Variants in PCDHGA4 observed in about 807,000 individuals in gnomAD.
PCDHGA4 encodes the protein protocadherin gamma-A4.
In PCDHGA4, 38 loss-of-function variants were observed where a neutral mutation model predicts 54.6. The ratio of observed to expected loss-of-function variants is 0.70; its 90% confidence interval spans 0.54 to 0.91. The LOEUF (loss-of-function observed/expected upper bound fraction) is 0.91. Among genes scored for constraint, PCDHGA4 ranks in the 40% least tolerant of loss-of-function variants. The pLI, the probability that PCDHGA4 is intolerant of heterozygous loss-of-function variation, is 0.00. For synonymous variants in PCDHGA4, 511 were observed against 512.9 expected (o/e 1.00, Z 0.05); for missense variants, 1,298 against 1,220.9 (o/e 1.06, Z -0.94).
chr5:141,495,735 T>C (rs1595351919), intron 2 of PCDHGA4, among the ~76,000 whole-genome samples: 1 of 152,044 alleles, frequency 6.6e-6, no homozygotes, highest in Admixed American at 6.5e-5. Context: ...CCTTAGTCTC[T>C]TTCTCCTTCT....
chr5:141,465,583 A>G (rs1056902823), intron 1 of PCDHGA4, among the ~76,000 whole-genome samples: 10 of 152,162 alleles, frequency 6.6e-5, no homozygotes, highest in African/African-American at 2.4e-4. Flanking sequence ...ACACTCTCAT[A>G]ATAATCAGAT....
chr5:141,396,813 T>C (rs1031435038), intron 1 of PCDHGA4, among the ~76,000 whole-genome samples: 4 of 152,240 alleles, frequency 2.6e-5, no homozygotes, highest in African/African-American at 9.6e-5. Context: ...AGTGTTCTAC[T>C]GTATGGTGCA....
intron 1 of PCDHGA4, chr5:141,361,539 C>G (rs754978831): frequency 3.1e-6 from 5 of 1,614,028 alleles, no homozygotes; most frequent in Non-Finnish European, 4.2e-6. Flanking sequence ...ATCCTCCTGG[C>G]GCCTCTATCG....
chr5:141,506,266 T>A (rs1397052417), intron 3 of PCDHGA4, among the ~76,000 whole-genome samples: 1 of 151,862 alleles, frequency 6.6e-6, no homozygotes, highest in Non-Finnish European at 1.5e-5. Context: ...CTGGCCAACA[T>A]AGTGAAACCC....
At chr5:141,426,922 T>C in intron 1 of PCDHGA4, 1 of 456,720 alleles carries the variant, frequency 2.2e-6, no homozygotes, top group Non-Finnish European at 4.4e-6. Flanking sequence ...CTGGAAGCAA[T>C]GGACATGGGT....
chr5:141,360,162 G>A, intron 1 of PCDHGA4: 2 of 1,607,024 alleles, frequency 1.2e-6, no homozygotes, highest in Non-Finnish European at 1.7e-6. Context: ...GGAGGTGCGG[G>A]CTGGTGCGGT....
intron 1 of PCDHGA4, chr5:141,384,918 C>T: frequency 6.2e-7 from 1 of 1,613,954 alleles, no homozygotes; most frequent in South Asian, 1.1e-5. Context: ...AAGTCTTGGC[C>T]GACCTGGGCA....
chr5:141,412,931 T>C (rs1010992022), intron 1 of PCDHGA4: 5 of 453,108 alleles, frequency 1.1e-5, no homozygotes, highest in African/African-American at 2.0e-5. Flanking sequence ...CAGTAACTTC[T>C]TAGGACTCTG....
At chr5:141,377,347 T>G (rs902378263) in intron 1 of PCDHGA4, 3 of 152,196 alleles carry the variant, frequency 2.0e-5, no homozygotes, top group Non-Finnish European at 2.9e-5. Flanking sequence ...GGTTCACGCC[T>G]GTAATCCCAC....
chr5:141,477,678 C>A lies in PCDHGA4; in HGVS notation c.2515-17129C>A, dbSNP rs967769574. 1 of 1,614,182 alleles carries A rather than the reference C, an allele frequency of 6.2e-7. No individual in the cohort carries two copies. The highest frequency in any genetic ancestry group is 1.3e-5 in the African/African-American group (1 of 75,054). ...AATCGTGACAATGGCATAGTGTCAT[C>A]CTTAGTGCCCCTAGACTATGAGGAT... is the stretch of plus-strand genomic sequence containing the variant. On this transcript the variant is annotated intron_variant, in intron 1 of 3. Transcript: ENST00000571252. The surrounding 1 kb of genome is among the most constrained non-coding windows in gnomAD (Gnocchi z 4.9).
chr5:141,378,499 G>A (rs1220046096), intron 1 of PCDHGA4: 1 of 152,084 alleles, frequency 6.6e-6, no homozygotes, highest in Non-Finnish European at 1.5e-5. Context: ...CTCCAGTCTG[G>A]GTGACAGAGC....
At chr5:141,375,928 A>G (rs3749773) in intron 1 of PCDHGA4, 89,673 of 1,613,560 alleles carry the variant, frequency 0.056, 2,973 homozygotes, top group African/African-American at 0.14. Context: ...GCGAGCCAGG[A>G]CTTTTCTCAG....
At chr5:141,366,613 G>A (rs555802357) in intron 1 of PCDHGA4, 93 of 1,614,096 alleles carry the variant, frequency 5.8e-5, no homozygotes, top group African/African-American at 8.0e-5. Context: ...CCCTCACCGC[G>A]GACTCGAGGA....
intron 1 of PCDHGA4, chr5:141,427,676 T>G: frequency 1.2e-6 from 1 of 813,766 alleles, no homozygotes; most frequent in Non-Finnish European, 2.1e-6. Flanking sequence ...AAAACAACCT[T>G]CCCGGAGCCT....
intron 1 of PCDHGA4, chr5:141,394,938 G>C: frequency 6.2e-7 from 1 of 1,613,780 alleles, no homozygotes; most frequent in Admixed American, 1.7e-5. Context: ...CGCCTTTGTC[G>C]CTGTGCTTCT....
chr5:141,403,377 T>G lies in PCDHGA4; in HGVS notation c.2514+45756T>G. 6.2e-7 allele frequency: 1 copy of G among 1,614,016 alleles called. No homozygotes were observed. The highest frequency in any genetic ancestry group is 8.5e-7 in the Non-Finnish European group (1 of 1,179,900). On this transcript the variant is annotated intron_variant, in intron 1 of 3. Transcript: ENST00000571252. ...CAGGCCGAAAGTCTGGAAGTAAAAA[T>G]TAACGAAATCGCGGTTCCTGGAGCA... is the stretch of plus-strand genomic sequence containing the variant.
At position 141,385,031 on chromosome 5, in the gene PCDHGA4, T is replaced by C; in HGVS notation, c.2514+27410T>C. The C allele has an allele frequency of 1.9e-6, 3 of 1,614,190 alleles. No individual in the cohort carries two copies. The African/African-American group carries it at 4.0e-5, about 21-fold the overall frequency. The stretch of plus-strand genomic sequence containing the variant: ...GTCTTCCTAGCCTTCGTCCTCGTAC[T>C]GCTGGCGCTCAGGCTGCGGCGCTGG... On this transcript the variant is annotated intron_variant, in intron 1 of 3. Coordinates refer to ENST00000571252, the MANE Select transcript of PCDHGA4 (RefSeq NM_018917.4).
Position 141,355,917 on chromosome 5 carries a change from T to C in PCDHGA4, c.810T>C (p.Ala270=), listed in dbSNP as rs538796381. ...LIILVDTNDN[A]PVFTQPEYHV... ...TACTTGTGGATACCAACGATAATGC[T>C]CCCGTGTTCACTCAGCCCGAGTACC... The change falls in exon 1 of 4, where the codon GCT becomes GCC. Residue 270 remains alanine (A), a synonymous_variant. Transcript: ENST00000571252. 6.2e-7 allele frequency: 1 copy of C among 1,613,796 alleles called. No homozygotes were observed. Among genetic ancestry groups the C allele is most frequent in the East Asian group, 2.2e-5 (1 of 44,882 alleles).
chr5:141,501,290 TAC>T (rs55762287), intron 2 of PCDHGA4, among the ~76,000 whole-genome samples: 11,544 of 136,022 alleles, frequency 0.085, 708 homozygotes, highest in East Asian at 0.37. Context: ...TATTCCCTTA[TAC>T]ACACACACAC....
Sources: allele counts gnomAD v4.1 joint callset (sites outside exome capture counted in the v4.1 genomes callset), GRCh38; gene constraint gnomAD v4.1.1; non-coding constraint Gnocchi (gnomAD v3.1); transcripts MANE v1.5; gene names NCBI Gene and HGNC (gene_info 2026-07-23, HGNC 2026-07-21).